The following FBXW7 variants were observed in gnomAD, a reference collection of about 807,000 sequenced individuals.
FBXW7 encodes F-box/WD repeat-containing protein 7.
In FBXW7, 11 loss-of-function variants were observed where a neutral mutation model predicts 86.3. The ratio of observed to expected loss-of-function variants is 0.13; its 90% CI spans 0.08 to 0.21. The LOEUF is 0.21. FBXW7 is among the 10% of genes least tolerant of loss of function. FBXW7 has a pLI of 1.00. For synonymous variants in FBXW7, 313 were observed against 297.9 expected (o/e 1.05, Z -0.52); for missense variants, 488 against 847.4 (o/e 0.58, Z 5.27).
rs760675122 is a variant in FBXW7 at position 152,332,655 on chromosome 4, C to T, written c.926G>A (p.Arg309His). Residue 309 changes from arginine (R) to histidine (H), a missense_variant, in exon 8 of 14, where the codon CGC (arginine) becomes CAC (histidine). Arg to His is a conservative substitution (Grantham distance 29). This residue lies in a region of FBXW7 where 59 missense variants were observed against 137.9 expected (regional missense o/e 0.43). Transcript: ENST00000281708. ...GTCTTCAGCCAAAATTCTCCAGTAGCGACATGTCTGAGCTGCTTGTAGCAG... is the reference window on the plus strand; with the variant it reads ...GTCTTCAGCCAAAATTCTCCAGTAGTGACATGTCTGAGCTGCTTGTAGCAG... ...KDLLQAAQTC[R>H]YWRILAEDNL... 5 of 1,606,260 alleles carry T rather than the reference C, an allele frequency of 3.1e-6. No individual in the cohort carries two copies. Among genetic ancestry groups the T allele is most frequent in the African/African-American group, 1.3e-5 (1 of 74,726 alleles).
At chr4:152,386,408 C>T (rs978228680) in intron 4 of FBXW7, among the ~76,000 whole-genome samples, 9 of 151,902 alleles carry the variant, frequency 5.9e-5, no homozygotes, top group Non-Finnish European at 8.8e-5. Context: ...TACAGAGTAA[C>T]GCCTCACATC....
Position 152,535,490 on chromosome 4 carries a change from C to T in FBXW7, c.-576G>A. On this transcript the variant is annotated 5_prime_UTR_variant, in exon 1 of 14. Coordinates refer to ENST00000281708, the MANE Select transcript of FBXW7 (RefSeq NM_001349798.2). Reference sequence around the variant, plus strand: ...CCGCTTCACATCGGGGTCCCCGCCCCCCCGGCCGGGGGGTGGTTGCCGAGC... The same window carrying T: ...CCGCTTCACATCGGGGTCCCCGCCCTCCCGGCCGGGGGGTGGTTGCCGAGC... 2.5e-6 allele frequency: 1 copy of T among 394,862 alleles called. No individual in the cohort carries two copies. The allele number at this position is 394,862 out of a possible 1,614,324, so 24.5% of individuals were successfully genotyped here.
chr4:152,519,081 G>T (rs1237450804), intron 2 of FBXW7, among the ~76,000 whole-genome samples: 2 of 152,096 alleles, frequency 1.3e-5, no homozygotes, highest in Non-Finnish European at 2.9e-5. Context: ...GGTGGATCAC[G>T]AGGTCAGGAG....
chr4:152,365,630 C>G (rs1267033772), intron 4 of FBXW7, among the ~76,000 whole-genome samples: 1 of 152,140 alleles, frequency 6.6e-6, no homozygotes, highest in Admixed American at 6.6e-5. Flanking sequence ...AATTGGATAA[C>G]AAGGACTGGG....
At chr4:152,520,381 C>A (rs1748901178) in intron 2 of FBXW7, among the ~76,000 whole-genome samples, 1 of 147,764 alleles carries the variant, frequency 6.8e-6, no homozygotes, top group Non-Finnish European at 1.5e-5. Context: ...TGCAGTGAGC[C>A]GAGATTGCGC....
intron 2 of FBXW7, among the ~76,000 whole-genome samples, chr4:152,481,349 T>C (rs1027577666): frequency 2.6e-5 from 4 of 152,180 alleles, no homozygotes; most frequent in African/African-American, 7.2e-5. Flanking sequence ...ATACTACTCA[T>C]TGCTCACTGA....
chr4:152,373,852 G>A (rs991984964), intron 4 of FBXW7, among the ~76,000 whole-genome samples: 3 of 151,894 alleles, frequency 2.0e-5, no homozygotes, highest in East Asian at 1.9e-4. Context: ...ATTTATAGCC[G>A]GTGGCTTGCA....
At chr4:152,382,368 T>C in intron 4 of FBXW7, 1 of 1,471,036 alleles carries the variant, frequency 6.8e-7, no homozygotes, top group Non-Finnish European at 9.0e-7. Context: ...GAATACTCTC[T>C]ACATGTAATA....
Position 152,411,879 on chromosome 4 carries a change from G to T in FBXW7, c.-69-7C>A. 6.8e-7 allele frequency: 1 copy of T among 1,460,406 alleles called. No individual in the cohort carries two copies. The highest frequency in any genetic ancestry group is 9.0e-7 in the Non-Finnish European group (1 of 1,106,756). 90.5% of individuals were successfully genotyped at this position (1,460,406 alleles called of 1,614,324 possible). A position where few individuals can be genotyped will look rare whatever the true frequency, so the allele number is the denominator to read the frequency against. On this transcript the variant is annotated splice_polypyrimidine_tract_variant and splice_region_variant and intron_variant, in intron 3 of 13. Coordinates refer to ENST00000281708, the MANE Select transcript of FBXW7 (RefSeq NM_001349798.2). Reference sequence around the variant, plus strand: ...ATGCAAAGGTTTTCACATTCTGCAGGGGAAAATAGGGTAAAAAACAAGATT... The same window carrying T: ...ATGCAAAGGTTTTCACATTCTGCAGTGGAAAATAGGGTAAAAAACAAGATT...
chr4:152,487,211 G>A (rs1379111363), intron 2 of FBXW7, among the ~76,000 whole-genome samples: 1 of 151,992 alleles, frequency 6.6e-6, no homozygotes, highest in East Asian at 1.9e-4. Context: ...AAAAACACTG[G>A]GTGAAAGGCT....
chr4:152,400,477 G>A (rs1041223294), intron 4 of FBXW7, among the ~76,000 whole-genome samples: 11 of 151,782 alleles, frequency 7.2e-5, no homozygotes, highest in African/African-American at 2.7e-4. Flanking sequence ...GGGTTGCTAA[G>A]ATCACAGGAA....
At chr4:152,393,358 T>A in intron 4 of FBXW7, among the ~76,000 whole-genome samples, 1 of 152,134 alleles carries the variant, frequency 6.6e-6, no homozygotes, top group Non-Finnish European at 1.5e-5. Flanking sequence ...CACAAAAATA[T>A]AATTAAAATA....
intron 2 of FBXW7, among the ~76,000 whole-genome samples, chr4:152,483,250 G>T (rs1417966182): frequency 6.6e-5 from 10 of 151,590 alleles, no homozygotes; most frequent in Admixed American, 6.6e-4. Context: ...TTTTTAGAAG[G>T]TCTTTATTAT....
At chr4:152,526,795 C>G (rs1247614840) in intron 2 of FBXW7, among the ~76,000 whole-genome samples, 1 of 152,164 alleles carries the variant, frequency 6.6e-6, no homozygotes, top group Non-Finnish European at 1.5e-5. Context: ...CCATGCACTA[C>G]TGAGATCTTT....
At chr4:152,411,263 G>C (rs1328725686) in intron 4 of FBXW7, 40 bp downstream of exon 4, 5 of 1,509,246 alleles carry the variant, frequency 3.3e-6, no homozygotes, top group Non-Finnish European at 4.4e-6. Flanking sequence ...AAATAGATAT[G>C]TAAAGTTTCT....
intron 2 of FBXW7, among the ~76,000 whole-genome samples, chr4:152,530,067 AAAT>A (rs1040064551): frequency 7.9e-6 from 1 of 127,324 alleles, no homozygotes; most frequent in Admixed American, 8.9e-5. Flanking sequence ...AAAAAAAAAA[AAAT>A]ACACACACAC....
At chr4:152,383,544 T>A (rs1735274286) in intron 4 of FBXW7, among the ~76,000 whole-genome samples, 1 of 152,172 alleles carries the variant, frequency 6.6e-6, no homozygotes, top group African/African-American at 2.4e-5. Flanking sequence ...CAGTGCTCAA[T>A]CAACTATTCT....
chr4:152,381,768 G>A (rs1452539090), intron 4 of FBXW7, among the ~76,000 whole-genome samples: 1 of 152,046 alleles, frequency 6.6e-6, no homozygotes, highest in African/African-American at 2.4e-5. Flanking sequence ...TACAGCTTAA[G>A]AGGCCAAAGA....
intron 6 of FBXW7, 87 bp downstream of exon 6, chr4:152,346,843 T>C (rs758840589): frequency 1.3e-6 from 2 of 1,539,618 alleles, no homozygotes; most frequent in African/African-American, 2.8e-5. Context: ...TATGTAACAG[T>C]GTTTCCTTCT....
Sources: gnomAD v4.1 joint callset for allele counts (sites outside exome capture counted in the v4.1 genomes callset) on GRCh38, gnomAD v4.1.1 for gene constraint, gnomAD v4.1.1 regional missense constraint, MANE v1.5 for transcripts, NCBI Gene and HGNC (gene_info 2026-07-23, HGNC 2026-07-21) for gene names.